HIVEP3: variants seen among roughly 807,000 people sequenced by gnomAD.
The protein encoded by HIVEP3 is HIVEP zinc finger 3.
A neutral mutation model predicts 152.8 loss-of-function variants in HIVEP3; 49 were observed. The observed-to-expected ratio is 0.32, with a 90% CI of 0.26 to 0.41. The LOEUF is 0.41. HIVEP3 is among the 10% of genes least tolerant of loss of function. HIVEP3 has a pLI of 1.00. For synonymous variants in HIVEP3, 1,269 were observed against 1,289.0 expected (o/e 0.98, Z 0.33); for missense variants, 2,790 against 3,103.3 (o/e 0.90, Z 2.40).
At chr1:41,981,268 TAAC>T (rs998526922) in intron 1 of HIVEP3, among the ~76,000 whole-genome samples, 8 of 152,122 alleles carry the variant, frequency 5.3e-5, no homozygotes, top group Middle Eastern at 6.3e-3. Flanking sequence ...AACATCGAAA[TAAC>T]AACACCTAAA....
Position 41,513,182 on chromosome 1 carries a change from C to A in HIVEP3, c.6039G>T (p.Leu2013=). The part of the protein sequence containing the change: ...PQASAPSPPG[L]HVDPGRGMGA... ...CCATGCCCCTTCCTGGGTCCACGTGCAGGCCAGGTGGGCTTGGGGCTGAGG... is the reference window on the plus strand; with the variant it reads ...CCATGCCCCTTCCTGGGTCCACGTGAAGGCCAGGTGGGCTTGGGGCTGAGG... Residue 2013 remains leucine, a synonymous_variant, in exon 8 of 9, where the codon CTG becomes CTT. Transcript: ENST00000372583. The A allele has an allele frequency of 6.2e-7, 1 of 1,613,846 alleles. No individual in the cohort carries two copies. The highest frequency in any genetic ancestry group is 1.7e-5 in the Admixed American group (1 of 60,028).
At chr1:41,572,553 C>T (rs1644266144) in intron 5 of HIVEP3, among the ~76,000 whole-genome samples, 7 of 152,194 alleles carry the variant, frequency 4.6e-5, no homozygotes, top group Admixed American at 4.6e-4. Context: ...TCTTGTGTTG[C>T]CACCTTGGTG....
intron 2 of HIVEP3, among the ~76,000 whole-genome samples, chr1:41,682,632 G>A (rs972274432): frequency 2.0e-5 from 3 of 152,030 alleles, no homozygotes; most frequent in African/African-American, 4.8e-5. Flanking sequence ...GCCCAGCCGG[G>A]GACAGGTGGT....
intron 1 of HIVEP3, among the ~76,000 whole-genome samples, chr1:41,807,336 T>C (rs1274636258): frequency 6.6e-6 from 1 of 152,034 alleles, no homozygotes; most frequent in African/African-American, 2.4e-5. Context: ...CTGTTAGGCC[T>C]TGAGGTAGAT....
chr1:41,756,148 T>G (rs1558241895), intron 1 of HIVEP3, among the ~76,000 whole-genome samples: 2 of 152,224 alleles, frequency 1.3e-5, no homozygotes, highest in Non-Finnish European at 2.9e-5. Context: ...AACAGACTGT[T>G]GTTATACAGA....
intron 1 of HIVEP3, among the ~76,000 whole-genome samples, chr1:41,748,801 C>T (rs538417588): frequency 1.3e-5 from 2 of 152,334 alleles, no homozygotes; most frequent in South Asian, 2.1e-4. Context: ...CGCCCACCAG[C>T]GGGGTCCTTC....
At chr1:41,822,760 C>T (rs1642645855) in intron 1 of HIVEP3, among the ~76,000 whole-genome samples, 1 of 152,182 alleles carries the variant, frequency 6.6e-6, no homozygotes, top group African/African-American at 2.4e-5. Context: ...GGGACCTCTC[C>T]ATCAACTCCA....
intron 1 of HIVEP3, among the ~76,000 whole-genome samples, chr1:42,003,351 A>G (rs2124524903): frequency 6.6e-6 from 1 of 152,356 alleles, no homozygotes; most frequent in African/African-American, 2.4e-5. Context: ...TGCTGGGATT[A>G]CAGGCGTGAG....
chr1:41,584,948 G>T lies in HIVEP3; in HGVS notation c.-151C>A. On this transcript the variant is annotated 5_prime_UTR_variant, in exon 4 of 9. Coordinates refer to ENST00000372583, the MANE Select transcript of HIVEP3 (RefSeq NM_024503.5). The surrounding 1 kb of genome is among the most constrained non-coding windows in gnomAD (Gnocchi z 5.2). ...CCCAAGACGGCTTTGGGAGTTTTTT[G>T]CAAGTGTCACTGGCTGTGAGTGGAC... is the stretch of plus-strand genomic sequence containing the variant. 1 of 626,948 alleles carries T rather than the reference G, an allele frequency of 1.6e-6. No individual in the cohort carries two copies. The highest frequency in any genetic ancestry group is 2.5e-6 in the Non-Finnish European group (1 of 407,230). The allele number at this position is 626,948 out of a possible 1,614,324, so 38.8% of individuals were successfully genotyped here.
At chr1:41,818,294 T>C (rs1412808158) in intron 1 of HIVEP3, among the ~76,000 whole-genome samples, 1 of 152,108 alleles carries the variant, frequency 6.6e-6, no homozygotes, top group East Asian at 1.9e-4. Flanking sequence ...CAGGTAAATA[T>C]TAATAATGCC....
At chr1:41,741,452 C>T (rs1345192273) in intron 1 of HIVEP3, among the ~76,000 whole-genome samples, 1 of 152,226 alleles carries the variant, frequency 6.6e-6, no homozygotes, top group African/African-American at 2.4e-5. Context: ...TCCCACCCAC[C>T]CTATCTCAGT....
At chr1:41,777,929 C>A (rs74071392) in intron 1 of HIVEP3, among the ~76,000 whole-genome samples, 1 of 152,338 alleles carries the variant, frequency 6.6e-6, no homozygotes, top group South Asian at 2.1e-4. Context: ...GCGTGCTTCA[C>A]GCATGGTGTG....
chr1:41,851,352 G>C (rs568094263), intron 1 of HIVEP3, among the ~76,000 whole-genome samples: 1 of 125,242 alleles, frequency 8.0e-6, no homozygotes, highest in East Asian at 2.3e-4. Flanking sequence ...TGCCAGGCTG[G>C]CGTGTAGTGG....
chr1:41,912,651 T>C (rs1644814853), intron 1 of HIVEP3, among the ~76,000 whole-genome samples: 1 of 152,196 alleles, frequency 6.6e-6, no homozygotes, highest in African/African-American at 2.4e-5. Flanking sequence ...TTCTCAAACT[T>C]TGAAATCTTC....
intron 1 of HIVEP3, among the ~76,000 whole-genome samples, chr1:41,732,695 C>G (rs1484263061): frequency 6.6e-6 from 1 of 152,098 alleles, no homozygotes; most frequent in Admixed American, 6.5e-5. Flanking sequence ...CTCCCTTACA[C>G]AGCTCTGCCT....
intron 1 of HIVEP3, among the ~76,000 whole-genome samples, chr1:41,935,156 TACTA>T (rs1226067413): frequency 6.6e-6 from 1 of 152,208 alleles, no homozygotes; most frequent in Non-Finnish European, 1.5e-5. Context: ...GACCACTCAC[TACTA>T]GCCAAAGACT....
At chr1:41,594,034 G>A (rs1436195766) in intron 3 of HIVEP3, among the ~76,000 whole-genome samples, 1 of 151,898 alleles carries the variant, frequency 6.6e-6, no homozygotes, top group Admixed American at 6.6e-5. Flanking sequence ...CCTCTCCTAA[G>A]GACTCTTGTG....
intron 1 of HIVEP3, among the ~76,000 whole-genome samples, chr1:41,872,341 G>C (rs1644096787): frequency 1.3e-5 from 2 of 152,136 alleles, no homozygotes; most frequent in Non-Finnish European, 2.9e-5. Context: ...AACACAGTTT[G>C]AACACTTAGC....
chr1:41,839,465 G>A (rs1320795143), intron 1 of HIVEP3, among the ~76,000 whole-genome samples: 1 of 152,220 alleles, frequency 6.6e-6, no homozygotes, highest in Non-Finnish European at 1.5e-5. Context: ...CTCAGCTCAA[G>A]CATCACTTCC....
Sources: allele counts gnomAD v4.1 joint callset (sites outside exome capture counted in the v4.1 genomes callset), GRCh38; gene constraint gnomAD v4.1.1; non-coding constraint Gnocchi (gnomAD v3.1); transcripts MANE v1.5; gene names NCBI Gene and HGNC (gene_info 2026-07-23, HGNC 2026-07-21).